ZFP64: variants seen among roughly 807,000 people sequenced by gnomAD.
The protein encoded by ZFP64 is ZFP64 zinc finger protein, also known as zinc finger protein 64.
Under a neutral mutation model 51.6 loss-of-function variants are expected in ZFP64, and 14 were observed. That is an observed-to-expected ratio of 0.27 (90% CI 0.18 to 0.42). ZFP64 has a LOEUF of 0.42. Ranked by LOEUF, ZFP64 falls within the 10% of genes least tolerant of loss-of-function variation. ZFP64 has a pLI of 1.00. For synonymous variants in ZFP64, 375 were observed against 361.4 expected (o/e 1.04, Z -0.43); for missense variants, 754 against 906.8 (o/e 0.83, Z 2.16).
At chr20:52,149,530 C>A (rs1484221785), downstream of ZFP64, among the ~76,000 whole-genome samples, 1 of 152,128 alleles carries the variant, frequency 6.6e-6, no homozygotes, top group Non-Finnish European at 1.5e-5. Context: ...AAAACCTTTT[C>A]TATGTTATCT....
rs372513108 is a variant in ZFP64, at chr20:52,152,682, G to C, written c.1510C>G (p.Gln504Glu). 12 of 1,545,986 alleles carry C rather than the reference G, an allele frequency of 7.8e-6. No individual in the cohort carries two copies. Among genetic ancestry groups the C allele is most frequent in the Admixed American group, 1.9e-5 (1 of 52,844 alleles). The change falls in exon 6 of 6, where the codon CAG (glutamine) becomes GAG (glutamate). Residue 504 changes from glutamine to glutamate, a missense_variant. Physicochemically the swap from Gln to Glu is conservative, Grantham distance 29 (BLOSUM62 2). This residue lies in a region of ZFP64 where 428 missense variants were observed against 472.4 expected (regional missense o/e 0.91). Coordinates refer to ENST00000216923, the MANE Select transcript of ZFP64 (RefSeq NM_018197.3). ...ACGATGGTGTTCGCCTGGGGCACCT[G>C]ATGCCCAACGATGATTTTGACTCTT... ...EGRVKIIVGH[Q>E]VPQANTIVQA...
In ZFP64 at chr20:52,160,319, C is replaced by T; in HGVS notation, c.567G>A (p.Lys189=). Reference sequence around the variant, plus strand: ...TGTGGCACCGCATGTGAGTTTTCAGCTTGTCTTTCCGGCTAAAGCACTTGC... The same window carrying T: ...TGTGGCACCGCATGTGAGTTTTCAGTTTGTCTTTCCGGCTAAAGCACTTGC... ...VCGKCFSRKD[K]LKTHMRCHTG... is the part of the protein sequence containing the mutation. Residue 189 remains lysine, a synonymous_variant, in exon 5 of 6, where the codon AAG becomes AAA. Transcript: ENST00000216923. The surrounding 1 kb of genome is among the most constrained non-coding windows in gnomAD (Gnocchi z 4.2). 1 of 1,614,218 alleles carries T rather than the reference C, an allele frequency of 6.2e-7. No individual in the cohort carries two copies.
chr20:52,101,363 G>A (rs889076688), intron 5 of ZFP64, among the ~76,000 whole-genome samples: 4 of 117,636 alleles, frequency 3.4e-5, no homozygotes, highest in South Asian at 2.7e-4. Context: ...AAGGACTTGC[G>A]ATTCCAGGGA....
At chr20:52,094,055 G>A (rs1219770236) in intron 7 of ZFP64, among the ~76,000 whole-genome samples, 1 of 152,200 alleles carries the variant, frequency 6.6e-6, no homozygotes, top group Admixed American at 6.5e-5. Flanking sequence ...CAAAGGTCAA[G>A]AACGCCTTCA....
chr20:52,167,471 C>T (rs1982370977), intron 2 of ZFP64, among the ~76,000 whole-genome samples: 1 of 84,594 alleles, frequency 1.2e-5, no homozygotes, highest in Admixed American at 1.3e-4. Context: ...GGCATGTTTC[C>T]TCCCTCCCTT....
chr20:52,094,406 CA>C (rs2078961898), intron 7 of ZFP64, among the ~76,000 whole-genome samples: 1 of 152,128 alleles, frequency 6.6e-6, no homozygotes, highest in Non-Finnish European at 1.5e-5. Context: ...GATAAAAATA[CA>C]AACATAAATC....
chr20:52,164,759 T>TA lies in ZFP64; in HGVS notation c.449-3dup, dbSNP rs72411807. 0.029 allele frequency: 37,654 copies of TA among 1,289,810 alleles called. 15 individuals are homozygous for TA. Among genetic ancestry groups the TA allele is most frequent in the Admixed American group, 0.04 (2,072 of 51,494 alleles). The allele number at this position is 1,289,810 out of a possible 1,614,324, so 79.9% of individuals were successfully genotyped here. ...CATAAGCAGTCTTGAATTGGCAACC[T>TA]AAAAAAAAAAAGGAAAGATTAATTA... On this transcript the variant is annotated splice_region_variant and splice_polypyrimidine_tract_variant and intron_variant, in intron 3 of 5. Coordinates refer to ENST00000216923, the MANE Select transcript of ZFP64 (RefSeq NM_018197.3).
At chr20:52,108,642 G>A (rs939355829) in intron 5 of ZFP64, among the ~76,000 whole-genome samples, 3 of 151,798 alleles carry the variant, frequency 2.0e-5, no homozygotes, top group Non-Finnish European at 2.9e-5. Flanking sequence ...CTGAGTAGCT[G>A]GGATTACAGA....
At chr20:52,117,662 ACTT>A (rs1397985456) in intron 5 of ZFP64, 2 of 456,650 alleles carry the variant, frequency 4.4e-6, no homozygotes, top group Non-Finnish European at 8.8e-6. Context: ...TTCCCATGTG[ACTT>A]CTTCTATGAA....
At chr20:52,118,538 C>T (rs1359028334) in intron 5 of ZFP64, among the ~76,000 whole-genome samples, 1 of 152,184 alleles carries the variant, frequency 6.6e-6, no homozygotes, top group Non-Finnish European at 1.5e-5. Context: ...TCAGGTTCCA[C>T]TAGTGTCTCC....
chr20:52,088,280 T>G (rs549461676), intron 8 of ZFP64: 1 of 1,490,872 alleles, frequency 6.7e-7, no homozygotes, highest in East Asian at 2.3e-5. Flanking sequence ...AGTTCCAAAT[T>G]CTTGTACTTC....
downstream of ZFP64, among the ~76,000 whole-genome samples, chr20:52,150,207 A>AAC (rs1289245725): frequency 2.3e-3 from 342 of 151,496 alleles, 1 homozygote; most frequent in African/African-American, 7.1e-3. Context: ...TCCACCTCAA[A>AAC]AAAAAAAAAA....
rs1490016417 is a variant in ZFP64 at position 52,152,900 on chromosome 20, T to C, written c.1292A>G (p.Asp431Gly). Residue 431 changes from aspartate (D) to glycine (G), a missense_variant, in exon 6 of 6, where the codon GAT (aspartate) becomes GGT (glycine). By Grantham distance (94) the Asp-to-Gly change is moderately conservative (BLOSUM62 -1). Around this residue, in one of 3 missense-constraint regions of ZFP64, gnomAD observed 428 missense variants for 472.4 expected, o/e 0.91. Coordinates refer to ENST00000216923, the MANE Select transcript of ZFP64 (RefSeq NM_018197.3). Reference sequence around the variant, plus strand: ...CGAGTCCTCCCGCATGAAGGAGGCATCGCATATATCGCAGTGGAAACTCTT... The same window carrying C: ...CGAGTCCTCCCGCATGAAGGAGGCACCGCATATATCGCAGTGGAAACTCTT... ...AKKSFHCDIC[D>G]ASFMREDSLR... is the part of the protein sequence containing the mutation. 6.2e-7 allele frequency: 1 copy of C among 1,613,996 alleles called. No homozygotes were observed. Among genetic ancestry groups the C allele is most frequent in the East Asian group, 2.2e-5 (1 of 44,868 alleles).
At chr20:52,122,870 G>A (rs1979261166) in intron 5 of ZFP64, among the ~76,000 whole-genome samples, 1 of 152,178 alleles carries the variant, frequency 6.6e-6, no homozygotes, top group Non-Finnish European at 1.5e-5. Flanking sequence ...AAAAAAAGTG[G>A]CTTCTTGAGA....
rs774876290 is a variant in ZFP64, at chr20:52,085,007, C to G, written c.1488G>C (p.Lys496Asn). 3 of 1,614,130 alleles carry G rather than the reference C, an allele frequency of 1.9e-6. No homozygotes were observed. Among genetic ancestry groups the G allele is most frequent in the Admixed American group, 3.3e-5 (2 of 60,034 alleles). Residue 496 changes from lysine to asparagine, a missense_variant, in exon 9 of 9, where the codon AAG (lysine) becomes AAC (asparagine). Lys to Asn is a moderately conservative substitution (Grantham distance 94, BLOSUM62 0). Transcript: ENST00000361387. The surrounding 1 kb of genome is among the most constrained non-coding windows in gnomAD (Gnocchi z 4.3). Reference sequence around the variant, plus strand: ...AGCAGGAGTAGCTGCACTCTGGACACTTCTCCGGGTGGTCGGCCTGGTGCA... The same window carrying G: ...AGCAGGAGTAGCTGCACTCTGGACAGTTCTCCGGGTGGTCGGCCTGGTGCA...
At position 52,146,045 on chromosome 20, in the gene ZFP64, CTATTT is replaced by C. The variant is rs1382265863; in HGVS notation, c.763+14073_763+14077del. Among the ~76,000 whole-genome samples the C allele has an allele frequency of 3.9e-5, 6 of 151,996 alleles. No homozygotes were observed. The East Asian group carries it at 9.6e-4, about 24-fold the overall frequency. ...TATATCCTTATTCTATAAGCCTTTTCTATTTTATTTTTTTCTTTTACTTTTTCAAC... is the reference window on the plus strand; with the variant it reads ...TATATCCTTATTCTATAAGCCTTTTCTATTTTTTTCTTTTACTTTTTCAAC... On this transcript the variant is annotated intron_variant, in intron 5 of 8. Transcript: ENST00000361387.
At chr20:52,170,903 T>C (rs537274359) in intron 2 of ZFP64, among the ~76,000 whole-genome samples, 2 of 152,104 alleles carry the variant, frequency 1.3e-5, no homozygotes, top group South Asian at 4.2e-4. Context: ...AGTGTGCAAA[T>C]CAAGTGGTGT....
intron 7 of ZFP64, among the ~76,000 whole-genome samples, chr20:52,096,524 C>A (rs1275172657): frequency 2.6e-5 from 4 of 152,214 alleles, no homozygotes; most frequent in Non-Finnish European, 5.9e-5. Flanking sequence ...AATATTCTCG[C>A]TCAAACATGC....
chr20:52,171,478 C>A (rs6091465), intron 2 of ZFP64, among the ~76,000 whole-genome samples: 62,956 of 151,892 alleles, frequency 0.41, 13,223 homozygotes, highest in South Asian at 0.5. Context: ...GACCTTGGAC[C>A]AATTTGGGTG....
Sources: allele counts gnomAD v4.1 joint callset (sites outside exome capture counted in the v4.1 genomes callset), GRCh38; gene constraint gnomAD v4.1.1; regional missense constraint gnomAD v4.1.1; non-coding constraint Gnocchi (gnomAD v3.1); transcripts MANE v1.5; gene names NCBI Gene and HGNC (gene_info 2026-07-23, HGNC 2026-07-21).